Variants in DMD observed in about 807,000 individuals in gnomAD.
The protein encoded by DMD is mutant dystrophin.
Under a neutral mutation model 330.1 loss-of-function variants are expected in DMD, and 63 were observed. That is an observed-to-expected ratio of 0.19 (90% CI 0.16 to 0.24). The LOEUF (loss-of-function observed/expected upper bound fraction) is 0.24, where lower values mean the gene tolerates loss of function less well. Among genes scored for constraint, DMD ranks in the 10% least tolerant of loss-of-function variants. The probability of loss-of-function intolerance (pLI) is 1.00; values close to 1 mark genes in which losing one functional copy is unlikely to be tolerated. For synonymous variants in DMD, 1,223 were observed against 959.8 expected, an observed-to-expected ratio of 1.27 and a Z score of -5.07; for missense variants, 3,344 against 2,684.1, an observed-to-expected ratio of 1.25 and a Z score of -5.43.
In DMD at chrX:32,560,487, T is replaced by C. The variant is rs112141756; in HGVS notation, c.1992+5215A>G. ...AGGGTACACGTATTGGATGTGTAGGTTTGTTATGGAGGTAAATGTGTGCCA... is the reference window on the plus strand; with the variant it reads ...AGGGTACACGTATTGGATGTGTAGGCTTGTTATGGAGGTAAATGTGTGCCA... On this transcript the variant is annotated intron_variant, in intron 16 of 78. Transcript: ENST00000357033. 8.8e-3 allele frequency among the ~76,000 whole-genome samples: 967 copies of C among 110,342 alleles called. 10 individuals carry two copies. The highest frequency in any genetic ancestry group is 0.03 in the African/African-American group (908 of 30,318).
At chrX:31,580,696 G>A (rs893100488) in intron 55 of DMD, among the ~76,000 whole-genome samples, 1 of 112,094 alleles carries the variant, frequency 8.9e-6, no homozygotes, top group Non-Finnish European at 1.9e-5. Context: ...ATATTGTTAA[G>A]GAAGGGGTAT....
At chrX:31,763,104 C>G (rs771205342) in intron 51 of DMD, among the ~76,000 whole-genome samples, 1 of 112,703 alleles carries the variant, frequency 8.9e-6, no homozygotes, top group African/African-American at 3.2e-5. Flanking sequence ...CCTTCCTTTA[C>G]AGGAAATTTA....
In DMD at chrX:32,469,282, C is replaced by T. The variant is rs1048560594; in HGVS notation, c.2950-572G>A. ...TCTGTATAACACATGTAATTTCTTACAGTAGGATCATAACTTTAGACTTCC... is the reference window on the plus strand; with the variant it reads ...TCTGTATAACACATGTAATTTCTTATAGTAGGATCATAACTTTAGACTTCC... On this transcript the variant is annotated intron_variant, in intron 22 of 78. Transcript: ENST00000357033. 3.6e-5 allele frequency among the ~76,000 whole-genome samples: 4 copies of T among 110,039 alleles called. No individual in the cohort carries two copies. The East Asian group carries it at 8.6e-4, about 24-fold the overall frequency.
At chrX:32,934,629 G>A (rs1324629980) in intron 2 of DMD, among the ~76,000 whole-genome samples, 1 of 111,602 alleles carries the variant, frequency 9.0e-6, no homozygotes, top group African/African-American at 3.3e-5. Context: ...GATATTTGAT[G>A]CATAAAAGAA....
chrX:31,267,671 G>T (rs1222088213), intron 62 of DMD, among the ~76,000 whole-genome samples: 3 of 112,645 alleles, frequency 2.7e-5, no homozygotes, highest in Non-Finnish European at 5.6e-5. Flanking sequence ...ATTCTTTTAG[G>T]AAGATCTAGA....
chrX:32,737,057 A>G (rs1416405210), intron 7 of DMD, among the ~76,000 whole-genome samples: 1 of 111,180 alleles, frequency 9.0e-6, no homozygotes, highest in African/African-American at 3.3e-5. Flanking sequence ...GTAAGTTTTA[A>G]TTAACAGGAA....
intron 2 of DMD, among the ~76,000 whole-genome samples, chrX:32,994,394 A>G (rs2093062737): frequency 9.0e-6 from 1 of 111,460 alleles, no homozygotes; most frequent in Non-Finnish European, 1.9e-5. Context: ...AAAATATTAA[A>G]AAGAATCCTG....
intron 44 of DMD, among the ~76,000 whole-genome samples, chrX:32,054,902 G>A (rs1458567909): frequency 9.6e-6 from 1 of 103,798 alleles, no homozygotes; most frequent in African/African-American, 3.5e-5. Context: ...GGGGAGGAGA[G>A]AGAGATCAAA....
At chrX:31,710,610 C>G (rs1006778457) in intron 52 of DMD, among the ~76,000 whole-genome samples, 1 of 111,343 alleles carries the variant, frequency 9.0e-6, no homozygotes, top group African/African-American at 3.3e-5. Context: ...GGAGGACACC[C>G]CGAACACATT....
intron 2 of DMD, among the ~76,000 whole-genome samples, chrX:33,014,963 C>A (rs1335359741): frequency 9.0e-6 from 1 of 111,344 alleles, no homozygotes; most frequent in African/African-American, 3.3e-5. Context: ...ATGGATATAA[C>A]GTTTTCTCCT....
At position 31,489,147 on chromosome X, in the gene DMD, G is replaced by A. The variant is rs1445924702; in HGVS notation, c.8547+7641C>T. 8.0e-5 allele frequency among the ~76,000 whole-genome samples: 9 copies of A among 111,822 alleles called. No homozygotes were observed. In the East Asian group the frequency reaches 1.7e-3, roughly 21 times the overall value. The stretch of plus-strand genomic sequence containing the variant: ...TTACTCACTCACACAGGTTTTGTTT[G>A]TTTGTTTTTTTGAGACAGGGTCTCA... On this transcript the variant is annotated intron_variant, in intron 57 of 78. Transcript: ENST00000357033.
intron 12 of DMD, among the ~76,000 whole-genome samples, chrX:32,604,338 T>C (rs4626778): frequency 0.055 from 6,016 of 110,150 alleles, 157 homozygotes; most frequent in East Asian, 0.072. Context: ...AGGCATTTGA[T>C]AAAATCCAGC....
At chrX:33,137,675 T>G (rs142840049) in intron 1 of DMD, among the ~76,000 whole-genome samples, 4 of 111,583 alleles carry the variant, frequency 3.6e-5, no homozygotes, top group Non-Finnish European at 7.5e-5. Context: ...TGCCTGTATA[T>G]GGTAAGTGCT....
chrX:31,882,668 A>T, intron 47 of DMD, among the ~76,000 whole-genome samples: 1 of 112,183 alleles, frequency 8.9e-6, no homozygotes, highest in African/African-American at 3.2e-5. Context: ...TACATCAGTA[A>T]GAAAAAGACA....
intron 2 of DMD, among the ~76,000 whole-genome samples, chrX:32,991,105 G>A (rs1191271642): frequency 7.2e-5 from 8 of 110,832 alleles, no homozygotes; most frequent in Non-Finnish European, 1.1e-4. Context: ...TACAAATGCA[G>A]TACGTTTTAT....
chrX:31,331,180 A>T (rs898402407), intron 61 of DMD, among the ~76,000 whole-genome samples: 1 of 111,756 alleles, frequency 8.9e-6, no homozygotes, highest in African/African-American at 3.3e-5. Flanking sequence ...ATATTATATG[A>T]GCTGTCAGAC....
chrX:31,359,147 A>G (rs1438527771), intron 60 of DMD, among the ~76,000 whole-genome samples: 2 of 112,589 alleles, frequency 1.8e-5, no homozygotes, highest in Non-Finnish European at 3.7e-5. Flanking sequence ...GATGGTCTTT[A>G]GTGAATTTGT....
At position 33,239,371 on chromosome X, in the gene DMD, T is replaced by G. The variant is rs2052547863; in HGVS notation, c.7+99888A>C. On this transcript the variant is annotated intron_variant, in intron 1 of 17. Transcript: ENST00000288447. Reference sequence around the variant, plus strand: ...AAATTTAACAAGAACCCCAGATTATTTAGACACAGTTATGTATGCAACAGC... The same window carrying G: ...AAATTTAACAAGAACCCCAGATTATGTAGACACAGTTATGTATGCAACAGC... 8.2e-5 allele frequency among the ~76,000 whole-genome samples: 9 copies of G among 109,429 alleles called. No homozygotes were observed. In the Admixed American group the frequency reaches 8.8e-4, roughly 11 times the overall value.
chrX:31,359,005 TGTGA>T (rs1445397234), intron 60 of DMD, among the ~76,000 whole-genome samples: 1 of 112,096 alleles, frequency 8.9e-6, no homozygotes, highest in Non-Finnish European at 1.9e-5. Context: ...GTACCACAGC[TGTGA>T]GTATTTGCAT....
Sources: allele counts gnomAD v4.1 joint callset (sites outside exome capture counted in the v4.1 genomes callset), GRCh38; gene constraint gnomAD v4.1.1; transcripts MANE v1.5; gene names NCBI Gene and HGNC (gene_info 2026-07-23, HGNC 2026-07-21).